Variants in FNDC3A observed in about 807,000 individuals in gnomAD.
FNDC3A encodes the protein fibronectin type III domain containing 3A.
FNDC3A carries 32 observed loss-of-function variants against 148.9 expected under a neutral mutation model. The observed-to-expected ratio is 0.21, with a 90% CI of 0.16 to 0.29. The LOEUF is 0.29. FNDC3A is among the 10% of genes least tolerant of loss of function. The pLI, the probability that FNDC3A is intolerant of heterozygous loss-of-function variation, is 1.00. For missense variants in FNDC3A, 1,191 were observed against 1,452.8 expected (o/e 0.82, Z 2.93); for synonymous variants, 472 against 473.6 (o/e 1.00, Z 0.04).
At chr13:49,097,190 G>A (rs1329399161) in intron 3 of FNDC3A, among the ~76,000 whole-genome samples, 2 of 152,004 alleles carry the variant, frequency 1.3e-5, no homozygotes. Context: ...AGACCTGGAA[G>A]CTCAGTGTGG....
intron 8 of FNDC3A, among the ~76,000 whole-genome samples, chr13:49,164,420 G>A (rs777536047): frequency 6.6e-6 from 1 of 152,024 alleles, no homozygotes; most frequent in Non-Finnish European, 1.5e-5. Flanking sequence ...CTGACTCTCT[G>A]AGCTTTCTGT....
At chr13:49,187,269 A>G in intron 16 of FNDC3A, 79 bp downstream of exon 16, 2 of 1,088,288 alleles carry the variant, frequency 1.8e-6, no homozygotes, top group East Asian at 4.8e-5. Flanking sequence ...ATTTTATGTC[A>G]TATCTTTTCT....
At chr13:49,202,012 T>C in intron 24 of FNDC3A, 46 bp downstream of exon 24, 1 of 1,185,754 alleles carries the variant, frequency 8.4e-7, no homozygotes, top group Non-Finnish European at 1.1e-6. Context: ...TAAATTACTT[T>C]TTAATGTATT....
At chr13:49,144,921 C>T (rs976925706) in intron 7 of FNDC3A, among the ~76,000 whole-genome samples, 3 of 152,036 alleles carry the variant, frequency 2.0e-5, no homozygotes, top group African/African-American at 7.3e-5. Context: ...CAGATGTTAG[C>T]GCATGTATGT....
chr13:49,017,836 T>G lies in FNDC3A; in HGVS notation c.99+11547T>G, dbSNP rs373173125. Among the ~76,000 whole-genome samples the G allele has an allele frequency of 1.2e-4, 18 of 152,182 alleles. 1 individual carries two copies. The highest frequency in any genetic ancestry group is 6.2e-4 in the South Asian group (3 of 4,814). On this transcript the variant is annotated intron_variant, in intron 2 of 25. Transcript: ENST00000492622. ...TCTCAGCATTTGCTTGTCTGTAAAGTATTTTATTTCTCCTTCACTTACGAA... is the reference window on the plus strand; with the variant it reads ...TCTCAGCATTTGCTTGTCTGTAAAGGATTTTATTTCTCCTTCACTTACGAA...
At chr13:49,024,752 T>C (rs1566198717) in intron 2 of FNDC3A, among the ~76,000 whole-genome samples, 1 of 151,928 alleles carries the variant, frequency 6.6e-6, no homozygotes, top group Non-Finnish European at 1.5e-5. Context: ...ATAAAGGCCA[T>C]ATATGACAAA....
chr13:49,001,991 G>A (rs1407397025), intron 1 of FNDC3A, among the ~76,000 whole-genome samples: 1 of 152,074 alleles, frequency 6.6e-6, no homozygotes, highest in African/African-American at 2.4e-5. Context: ...TGCGGCTTGG[G>A]GGCATCACAG....
At chr13:49,056,200 A>AG (rs1876228582) in intron 2 of FNDC3A, among the ~76,000 whole-genome samples, 1 of 151,470 alleles carries the variant, frequency 6.6e-6, no homozygotes, top group Non-Finnish European at 1.5e-5. Flanking sequence ...AAAAAAAAAA[A>AG]GTGCAGTTTA....
At chr13:48,984,528 A>G (rs1339326832) in intron 1 of FNDC3A, among the ~76,000 whole-genome samples, 3 of 152,236 alleles carry the variant, frequency 2.0e-5, no homozygotes, top group Non-Finnish European at 4.4e-5. Context: ...AAACATGGAT[A>G]AAGAAGAATT....
intron 5 of FNDC3A, among the ~76,000 whole-genome samples, chr13:49,136,127 A>C (rs1392904568): frequency 6.6e-6 from 1 of 152,146 alleles, no homozygotes; most frequent in East Asian, 1.9e-4. Context: ...AATTTACTTG[A>C]GAGAGAGATA....
intron 4 of FNDC3A, among the ~76,000 whole-genome samples, chr13:49,122,715 G>A (rs1881435659): frequency 6.6e-6 from 1 of 152,126 alleles, no homozygotes; most frequent in South Asian, 2.1e-4. Context: ...TAGGCAAACA[G>A]AGAGCCAAAT....
intron 8 of FNDC3A, among the ~76,000 whole-genome samples, chr13:49,163,106 C>T (rs2138030205): frequency 6.6e-6 from 1 of 152,304 alleles, no homozygotes; most frequent in East Asian, 1.9e-4. Flanking sequence ...CTTGAGGAGG[C>T]AGTCTGTCCC....
intron 2 of FNDC3A, among the ~76,000 whole-genome samples, chr13:49,031,382 CAAAT>C (rs1173835267): frequency 6.6e-6 from 1 of 152,058 alleles, no homozygotes; most frequent in Non-Finnish European, 1.5e-5. Context: ...GACTCCATCT[CAAAT>C]AAATAAATAA....
chr13:49,156,982 T>C (rs1156390751), intron 8 of FNDC3A, among the ~76,000 whole-genome samples: 22 of 9,974 alleles, frequency 2.2e-3, no homozygotes, highest in African/African-American at 8.8e-3. Flanking sequence ...CTTTGGTGAA[T>C]CTGACAATTA....
intron 8 of FNDC3A, among the ~76,000 whole-genome samples, chr13:49,152,349 G>C (rs947229197): frequency 1.3e-5 from 2 of 152,128 alleles, no homozygotes; most frequent in African/African-American, 4.8e-5. Flanking sequence ...ATTTTTTCAT[G>C]TGTCTGTTGG....
chr13:49,088,912 G>A (rs1878995504), intron 3 of FNDC3A, among the ~76,000 whole-genome samples: 1 of 152,088 alleles, frequency 6.6e-6, no homozygotes, highest in South Asian at 2.1e-4. Flanking sequence ...GTATGTAGCA[G>A]TTAAGTGAAA....
At chr13:49,167,211 A>T (rs755049465) in intron 8 of FNDC3A, 33 bp from the exon 9 acceptor site, 1 of 1,384,342 alleles carries the variant, frequency 7.2e-7, no homozygotes, top group Non-Finnish European at 1.0e-6. Context: ...TGCTTTATTT[A>T]TCAGACATGA....
In FNDC3A at chr13:49,198,101, C is replaced by T; in HGVS notation, c.2610C>T (p.Pro870=). Residue 870 remains proline (P), a synonymous_variant, in exon 22 of 26, where the codon CCC becomes CCT. Coordinates refer to ENST00000492622, the MANE Select transcript of FNDC3A (RefSeq NM_001079673.2). ...TAAGCGATGATGAGATAGAAAATCC[C>T]CATTATTCACCTTCTACATGCCTTG... ...QEISDDEIEN[P]HYSPSTCLAI... is the part of the protein sequence containing the mutation. 2 of 1,614,118 alleles carry T rather than the reference C, an allele frequency of 1.2e-6. No homozygotes were observed. The highest frequency in any genetic ancestry group is 1.3e-5 in the African/African-American group (1 of 75,018).
At position 49,209,414 on chromosome 13, in the gene FNDC3A, A is replaced by C. The variant is rs1886797117; in HGVS notation, c.*2019A>C. 1 of 152,656 alleles carries C rather than the reference A, an allele frequency of 6.6e-6. No homozygotes were observed. The highest frequency in any genetic ancestry group is 1.5e-5 in the Non-Finnish European group (1 of 68,030). 9.5% of individuals were successfully genotyped at this position (152,656 alleles called of 1,614,324 possible). A position where few individuals can be genotyped will look rare whatever the true frequency, so the allele number is the denominator to read the frequency against. On this transcript the variant is annotated 3_prime_UTR_variant, in exon 26 of 26. Coordinates refer to ENST00000492622, the MANE Select transcript of FNDC3A (RefSeq NM_001079673.2). ...CTTGATTTTACCTCATATACTGTACATTCCAAAAACTCTAAACTTTTTAAA... is the reference window on the plus strand; with the variant it reads ...CTTGATTTTACCTCATATACTGTACCTTCCAAAAACTCTAAACTTTTTAAA...
Sources: allele counts gnomAD v4.1 joint callset (sites outside exome capture counted in the v4.1 genomes callset), GRCh38; gene constraint gnomAD v4.1.1; transcripts MANE v1.5; gene names NCBI Gene and HGNC (gene_info 2026-07-23, HGNC 2026-07-21).